FOXP1: variants seen among roughly 807,000 people sequenced by gnomAD.
The protein encoded by FOXP1 is forkhead box protein P1.
FOXP1 carries 15 observed loss-of-function variants against 98.2 expected under a neutral mutation model. That is an observed-to-expected ratio of 0.15 (90% confidence interval 0.10 to 0.24). The LOEUF (loss-of-function observed/expected upper bound fraction) is 0.24, where lower values mean the gene tolerates loss of function less well. FOXP1 is among the 10% of genes least tolerant of loss of function. The pLI is 1.00. For synonymous variants in FOXP1, 371 were observed against 314.5 expected (o/e 1.18, Z -1.90); for missense variants, 633 against 848.5 (o/e 0.75, Z 3.15).
At chr3:71,396,490 A>G (rs191049345) in intron 3 of FOXP1, among the ~76,000 whole-genome samples, 2 of 152,230 alleles carry the variant, frequency 1.3e-5, no homozygotes, top group East Asian at 1.9e-4. Flanking sequence ...AGGAAGTCTG[A>G]GTCAAAGCCA....
intron 6 of FOXP1, among the ~76,000 whole-genome samples, chr3:71,137,798 AT>A (rs71104419): frequency 8.6e-4 from 124 of 144,208 alleles, no homozygotes; most frequent in East Asian, 7.0e-3. Flanking sequence ...ATTTATTATT[AT>A]TTTTTTTTTT....
At chr3:71,268,067 G>T (rs2069888813) in intron 5 of FOXP1, among the ~76,000 whole-genome samples, 1 of 145,622 alleles carries the variant, frequency 6.9e-6, no homozygotes, top group African/African-American at 2.5e-5. Flanking sequence ...AATTATTTCA[G>T]CTTCTTTTTT....
chr3:71,164,110 A>G (rs2061283454), intron 6 of FOXP1, among the ~76,000 whole-genome samples: 1 of 152,238 alleles, frequency 6.6e-6, no homozygotes, highest in African/African-American at 2.4e-5. Flanking sequence ...AGTAGCCTAT[A>G]TAATCAGATG....
At chr3:71,491,442 C>A (rs1405984958) in intron 3 of FOXP1, among the ~76,000 whole-genome samples, 1 of 152,206 alleles carries the variant, frequency 6.6e-6, no homozygotes, top group Non-Finnish European at 1.5e-5. Context: ...GAACAACTTG[C>A]CCAAGGCCAC....
intron 3 of FOXP1, among the ~76,000 whole-genome samples, chr3:71,380,483 T>TA (rs971910766): frequency 6.6e-6 from 1 of 152,246 alleles, no homozygotes; most frequent in African/African-American, 2.4e-5. Flanking sequence ...AGGGTTATTG[T>TA]AGCCAGTATA....
At chr3:70,970,684 G>C (rs1000783515) in intron 19 of FOXP1, 52 bp downstream of exon 19, 3 of 1,323,576 alleles carry the variant, frequency 2.3e-6, no homozygotes, top group African/African-American at 2.9e-5. Context: ...TTTGAAATGA[G>C]TAGGGGAGAC....
At chr3:71,387,335 A>G (rs573171988) in intron 3 of FOXP1, among the ~76,000 whole-genome samples, 3 of 152,266 alleles carry the variant, frequency 2.0e-5, no homozygotes, top group Non-Finnish European at 2.9e-5. Context: ...AACTGGGTTA[A>G]TAACTTCATC....
In FOXP1 at chr3:71,264,337, G is replaced by A. The variant is rs548107610; in HGVS notation, c.-12+35483C>T. 3.3e-5 allele frequency among the ~76,000 whole-genome samples: 5 copies of A among 152,236 alleles called. No homozygotes were observed. In the South Asian group the frequency reaches 1.0e-3, roughly 32 times the overall value. ...CCAGACTGGAAAGCTAAACAAAAGC[G>A]ATGTTTTTCAAAACACATGAATTCA... On this transcript the variant is annotated intron_variant, in intron 5 of 20. Coordinates refer to ENST00000649528, the MANE Select transcript of FOXP1 (RefSeq NM_001349338.3).
chr3:71,070,987 A>G lies in FOXP1; in HGVS notation c.283-17214T>C, dbSNP rs534084401. Among the ~76,000 whole-genome samples the G allele has an allele frequency of 3.9e-5, 6 of 152,308 alleles. No individual in the cohort carries two copies. In the East Asian group the frequency reaches 1.2e-3, roughly 29 times the overall value. The stretch of plus-strand genomic sequence containing the variant: ...GGCACAGGGCTGTGGAATCCCCTCC[A>G]AGATAATTGCCTTCCACACTGTGTG... On this transcript the variant is annotated intron_variant, in intron 7 of 20. Coordinates refer to ENST00000649528, the MANE Select transcript of FOXP1 (RefSeq NM_001349338.3).
At chr3:71,198,142 A>G in intron 6 of FOXP1, 60 bp downstream of exon 6, 1 of 1,613,720 alleles carries the variant, frequency 6.2e-7, no homozygotes, top group Admixed American at 1.7e-5. Flanking sequence ...TTAAGTGTAA[A>G]ATTCAGCAGT....
intron 3 of FOXP1, among the ~76,000 whole-genome samples, chr3:71,417,193 CGCGACATCCTCCAG>C: frequency 6.6e-6 from 1 of 152,266 alleles, no homozygotes; most frequent in South Asian, 2.1e-4. Context: ...GGTACAGACT[CGCGACATCCTCCAG>C]GCTGAGCCCA....
At chr3:71,348,553 G>GCGCGCGCGCACGCGCGCGCA (rs1553853271) in intron 4 of FOXP1, among the ~76,000 whole-genome samples, 2 of 130,638 alleles carry the variant, frequency 1.5e-5, no homozygotes, top group African/African-American at 6.3e-5. Context: ...GTGTGTGCGT[G>GCGCGCGCGCACGCGCGCGCA]CGCGCGCGCA....
chr3:71,156,439 A>AG (rs1374632108), intron 6 of FOXP1, among the ~76,000 whole-genome samples: 1 of 152,174 alleles, frequency 6.6e-6, no homozygotes, highest in Admixed American at 6.5e-5. Context: ...GCTTCAATGG[A>AG]GGGGTGCACC....
intron 3 of FOXP1, among the ~76,000 whole-genome samples, chr3:71,394,852 G>A (rs1190950498): frequency 6.6e-6 from 1 of 152,116 alleles, no homozygotes; most frequent in African/African-American, 2.4e-5. Context: ...TGTAATCCCA[G>A]CACTTTGGGA....
chr3:71,534,018 G>A (rs748358891), intron 2 of FOXP1, among the ~76,000 whole-genome samples: 2 of 152,156 alleles, frequency 1.3e-5, no homozygotes, highest in Admixed American at 6.6e-5. Flanking sequence ...TTCAGAACCC[G>A]TAAGTAGACC....
chr3:71,200,257 A>C (rs1371892734), intron 5 of FOXP1, among the ~76,000 whole-genome samples: 1 of 152,166 alleles, frequency 6.6e-6, no homozygotes, highest in South Asian at 2.1e-4. Flanking sequence ...GCTAATACCA[A>C]CTGCTACCAT....
intron 9 of FOXP1, among the ~76,000 whole-genome samples, chr3:71,047,711 G>A (rs540350146): frequency 2.6e-5 from 4 of 152,180 alleles, no homozygotes; most frequent in Admixed American, 2.0e-4. Context: ...CATCGTACTC[G>A]ACTGTGAGTT....
intron 2 of FOXP1, among the ~76,000 whole-genome samples, chr3:71,506,851 G>A (rs1370696392): frequency 6.6e-6 from 1 of 152,178 alleles, no homozygotes; most frequent in Non-Finnish European, 1.5e-5. Flanking sequence ...TTGTAATTCT[G>A]CACACTTTAC....
At chr3:71,289,084 G>A (rs773049590) in intron 5 of FOXP1, among the ~76,000 whole-genome samples, 74 of 151,994 alleles carry the variant, frequency 4.9e-4, no homozygotes, top group Non-Finnish European at 8.7e-4. Context: ...GCCCACGCTG[G>A]AGTGCAGTGG....
Sources: gnomAD v4.1 joint callset for allele counts (sites outside exome capture counted in the v4.1 genomes callset) on GRCh38, gnomAD v4.1.1 for gene constraint, MANE v1.5 for transcripts, NCBI Gene and HGNC (gene_info 2026-07-23, HGNC 2026-07-21) for gene names.